Variants in AK5 observed in about 807,000 individuals in gnomAD.
The protein encoded by AK5 is adenylate kinase 5.
Under a neutral mutation model 69.5 loss-of-function variants are expected in AK5, and 27 were observed. The ratio of observed to expected loss-of-function variants is 0.39; its 90% confidence interval spans 0.29 to 0.54. The LOEUF is 0.54. Among genes scored for constraint, AK5 ranks in the 20% least tolerant of loss-of-function variants. The pLI, the probability that AK5 is intolerant of heterozygous loss-of-function variation, is 0.71. For missense variants in AK5, 531 were observed against 700.4 expected (o/e 0.76, Z 2.73); for synonymous variants, 260 against 244.4 (o/e 1.06, Z -0.60).
intron 10 of AK5, among the ~76,000 whole-genome samples, chr1:77,509,713 G>A (rs1453455307): frequency 6.6e-6 from 1 of 152,208 alleles, no homozygotes; most frequent in South Asian, 2.1e-4. Context: ...CTCACAAGCT[G>A]TAACTGGGAA....
At chr1:77,411,494 T>C (rs1339798547) in intron 7 of AK5, among the ~76,000 whole-genome samples, 1 of 152,152 alleles carries the variant, frequency 6.6e-6, no homozygotes, top group Non-Finnish European at 1.5e-5. Flanking sequence ...CCACAGCTCC[T>C]GTGTGACCCT....
chr1:77,438,816 G>A (rs1652129832), intron 8 of AK5, among the ~76,000 whole-genome samples: 1 of 152,086 alleles, frequency 6.6e-6, no homozygotes, highest in Non-Finnish European at 1.5e-5. Flanking sequence ...CAGAGTACTC[G>A]AACCAGAAGA....
intron 10 of AK5, among the ~76,000 whole-genome samples, chr1:77,495,434 G>C (rs546382505): frequency 3.9e-5 from 6 of 152,122 alleles, no homozygotes; most frequent in African/African-American, 1.4e-4. Context: ...GGTCAAATAC[G>C]ATAGCAAGTG....
chr1:77,439,394 C>G (rs1652165650), intron 8 of AK5, among the ~76,000 whole-genome samples: 1 of 152,116 alleles, frequency 6.6e-6, no homozygotes, highest in Admixed American at 6.6e-5. Flanking sequence ...AAACATTTAT[C>G]ATTTCTTTAC....
intron 6 of AK5, among the ~76,000 whole-genome samples, chr1:77,361,104 G>C (rs552034367): frequency 1.3e-5 from 2 of 152,294 alleles, no homozygotes; most frequent in Admixed American, 1.3e-4. Context: ...GCTCACTTGA[G>C]ATGCTCTGGC....
At chr1:77,513,669 G>A (rs1272928020) in intron 10 of AK5, among the ~76,000 whole-genome samples, 2 of 152,270 alleles carry the variant, frequency 1.3e-5, no homozygotes, top group East Asian at 3.9e-4. Context: ...GTGAAACCTT[G>A]CCCCTACTAA....
At chr1:77,511,974 T>A (rs1232011531) in intron 10 of AK5, among the ~76,000 whole-genome samples, 6 of 152,034 alleles carry the variant, frequency 3.9e-5, no homozygotes, top group East Asian at 1.9e-4. Flanking sequence ...GGAGAATAGA[T>A]CCAAATAACG....
At chr1:77,549,754 G>GT (rs1457290522) in intron 13 of AK5, among the ~76,000 whole-genome samples, 1 of 152,156 alleles carries the variant, frequency 6.6e-6, no homozygotes, top group Non-Finnish European at 1.5e-5. Flanking sequence ...TTCCATACAT[G>GT]TTGTTGCAAA....
At chr1:77,536,530 A>G (rs72683614) in intron 13 of AK5, among the ~76,000 whole-genome samples, 1,961 of 152,350 alleles carry the variant, frequency 0.013, 46 homozygotes, top group South Asian at 0.1. Context: ...AAAATTAAAT[A>G]TCTGTCGTCA....
At chr1:77,448,020 C>T (rs1440971988) in intron 8 of AK5, among the ~76,000 whole-genome samples, 1 of 152,204 alleles carries the variant, frequency 6.6e-6, no homozygotes, top group Non-Finnish European at 1.5e-5. Flanking sequence ...AGGGCACCGA[C>T]GAGCATGGAA....
At chr1:77,385,172 G>A (rs1557549321) in intron 6 of AK5, among the ~76,000 whole-genome samples, 1 of 151,914 alleles carries the variant, frequency 6.6e-6, no homozygotes, top group South Asian at 2.1e-4. Context: ...GTTTTGTTTT[G>A]TTTTGGAGAC....
intron 6 of AK5, among the ~76,000 whole-genome samples, chr1:77,346,722 T>A (rs906027016): frequency 6.6e-6 from 1 of 152,128 alleles, no homozygotes; most frequent in African/African-American, 2.4e-5. Context: ...GGTCTCGGAC[T>A]CCTGAGCTAA....
intron 8 of AK5, among the ~76,000 whole-genome samples, chr1:77,455,030 G>A (rs1653388462): frequency 6.6e-6 from 1 of 152,092 alleles, no homozygotes. Flanking sequence ...CTCAATTTGG[G>A]TCAAGTATTA....
chr1:77,360,747 T>C (rs143893233), intron 6 of AK5, among the ~76,000 whole-genome samples: 12 of 152,298 alleles, frequency 7.9e-5, no homozygotes, highest in Admixed American at 3.9e-4. Flanking sequence ...AGAGACTGAC[T>C]TTTAATCTGT....
At chr1:77,312,227 T>TC (rs1243203058) in intron 5 of AK5, among the ~76,000 whole-genome samples, 2 of 152,114 alleles carry the variant, frequency 1.3e-5, no homozygotes, top group Non-Finnish European at 2.9e-5. Context: ...GTGGTCTCAC[T>TC]TCTTCTAGGT....
At chr1:77,334,972 T>G (rs745951436) in intron 5 of AK5, among the ~76,000 whole-genome samples, 4 of 152,216 alleles carry the variant, frequency 2.6e-5, no homozygotes, top group Admixed American at 6.5e-5. Flanking sequence ...CTTTTTTCCT[T>G]TTTTTAGAAA....
chr1:77,344,088 T>G (rs1187506632), intron 6 of AK5, among the ~76,000 whole-genome samples: 1 of 152,216 alleles, frequency 6.6e-6, no homozygotes, highest in Non-Finnish European at 1.5e-5. Flanking sequence ...TCCACTCTTT[T>G]CTTTTTTACC....
intron 8 of AK5, among the ~76,000 whole-genome samples, chr1:77,446,128 A>G (rs1398524947): frequency 6.6e-6 from 1 of 152,154 alleles, no homozygotes; most frequent in African/African-American, 2.4e-5. Flanking sequence ...ATAAGAGTCC[A>G]ATTTCACTCT....
intron 6 of AK5, among the ~76,000 whole-genome samples, chr1:77,350,898 A>T (rs1557518698): frequency 6.6e-6 from 1 of 152,244 alleles, no homozygotes; most frequent in Non-Finnish European, 1.5e-5. Flanking sequence ...CAGTTGAATC[A>T]CAAATTTTTC....
Sources: allele counts gnomAD v4.1 joint callset (sites outside exome capture counted in the v4.1 genomes callset), GRCh38; gene constraint gnomAD v4.1.1; transcripts MANE v1.5; gene names NCBI Gene and HGNC (gene_info 2026-07-23, HGNC 2026-07-21).